The following TSC22D1 variants were observed in gnomAD, a reference collection of about 807,000 sequenced individuals.
TSC22D1 encodes TSC22 domain family member 1.
In TSC22D1, 9 loss-of-function variants were observed where a neutral mutation model predicts 74.2. That is an observed-to-expected ratio of 0.12 (90% CI 0.07 to 0.21). The LOEUF is 0.21. Ranked by LOEUF, TSC22D1 falls within the 10% of genes least tolerant of loss-of-function variation. TSC22D1 has a pLI of 1.00. For synonymous variants in TSC22D1, 586 were observed against 492.5 expected, an observed-to-expected ratio of 1.19 and a Z score of -2.51; for missense variants, 1,427 against 1,304.7, an observed-to-expected ratio of 1.09 and a Z score of -1.44.
intron 1 of TSC22D1, among the ~76,000 whole-genome samples, chr13:44,547,181 T>G (rs994266993): frequency 2.0e-5 from 3 of 152,182 alleles, no homozygotes; most frequent in Admixed American, 6.5e-5. Context: ...GAATATCCAC[T>G]GAGAAATTAA....
intron 1 of TSC22D1, among the ~76,000 whole-genome samples, chr13:44,546,267 C>A (rs1881819068): frequency 6.6e-6 from 1 of 152,060 alleles, no homozygotes; most frequent in African/African-American, 2.4e-5. Context: ...AAAATATTCC[C>A]AAGACATGTG....
intron 1 of TSC22D1, among the ~76,000 whole-genome samples, chr13:44,498,616 T>C (rs1459950744): frequency 6.6e-6 from 1 of 152,190 alleles, no homozygotes; most frequent in East Asian, 1.9e-4. Context: ...GACTTTATCA[T>C]ACTTCTGTCT....
At chr13:44,457,663 T>C (rs936030586) in intron 1 of TSC22D1, among the ~76,000 whole-genome samples, 1 of 104,552 alleles carries the variant, frequency 9.6e-6, no homozygotes, top group African/African-American at 3.5e-5. Context: ...AAAAAAGGAA[T>C]ACTTTTTCTC....
chr13:44,563,263 C>T (rs1376141613), intron 1 of TSC22D1, among the ~76,000 whole-genome samples: 3 of 152,148 alleles, frequency 2.0e-5, no homozygotes, highest in African/African-American at 7.2e-5. Flanking sequence ...TAACATATTG[C>T]TTTGAGAGAG....
chr13:44,443,722 T>C (rs374281465), intron 1 of TSC22D1, among the ~76,000 whole-genome samples: 4 of 152,170 alleles, frequency 2.6e-5, no homozygotes, highest in South Asian at 2.1e-4. Context: ...AAAATAACAA[T>C]GTACTGGAAT....
chr13:44,436,765 C>T (rs961427183), intron 1 of TSC22D1: 1 of 1,474,368 alleles, frequency 6.8e-7, no homozygotes, highest in Non-Finnish European at 8.9e-7. Flanking sequence ...AGAAACCCAG[C>T]TTCTAGGGCT....
chr13:44,442,323 A>G (rs1406579829), intron 1 of TSC22D1, among the ~76,000 whole-genome samples: 4 of 152,256 alleles, frequency 2.6e-5, no homozygotes, highest in Non-Finnish European at 5.9e-5. Context: ...ACTCATGAGG[A>G]GAAAAATTAA....
chr13:44,451,884 C>G (rs779673729), intron 1 of TSC22D1, among the ~76,000 whole-genome samples: 1 of 152,214 alleles, frequency 6.6e-6, no homozygotes, highest in Non-Finnish European at 1.5e-5. Flanking sequence ...AGGACATCCG[C>G]CATGGCTGAC....
At position 44,576,122 on chromosome 13, in the gene TSC22D1, G is replaced by A; in HGVS notation, c.-48C>T. 6.9e-7 allele frequency: 1 copy of A among 1,455,814 alleles called. No homozygotes were observed. The highest frequency in any genetic ancestry group is 9.0e-7 in the Non-Finnish European group (1 of 1,109,966). 90.2% of individuals were successfully genotyped at this position (1,455,814 alleles called of 1,614,324 possible). A position where few individuals can be genotyped will look rare whatever the true frequency, so the allele number is the denominator to read the frequency against. ...GAGGAGACGAGTGCAATTTCCTTCT[G>A]CACCGTAATCTTTGTATTGGAGACG... On this transcript the variant is annotated 5_prime_UTR_variant, in exon 1 of 3. Transcript: ENST00000458659.
intron 1 of TSC22D1, among the ~76,000 whole-genome samples, chr13:44,542,711 A>T (rs2138104342): frequency 6.6e-6 from 1 of 152,280 alleles, no homozygotes; most frequent in African/African-American, 2.4e-5. Flanking sequence ...GCTGGTAAAG[A>T]GAGCTTGCTT....
intron 1 of TSC22D1, among the ~76,000 whole-genome samples, chr13:44,514,764 G>A (rs538736429): frequency 1.1e-4 from 17 of 152,268 alleles, no homozygotes; most frequent in African/African-American, 2.9e-4. Context: ...GGAGGCTGAC[G>A]CAGGAGAATT....
chr13:44,508,945 G>A (rs1055010786), intron 1 of TSC22D1, among the ~76,000 whole-genome samples: 6 of 152,064 alleles, frequency 3.9e-5, no homozygotes, highest in African/African-American at 1.2e-4. Flanking sequence ...AAAAGCACAT[G>A]AGGCCCCATG....
intron 1 of TSC22D1, among the ~76,000 whole-genome samples, chr13:44,551,596 T>C (rs528529090): frequency 6.6e-6 from 1 of 152,272 alleles, no homozygotes; most frequent in South Asian, 2.1e-4. Context: ...AATTTTTGTG[T>C]TCTTAGTAGA....
chr13:44,457,637 C>CAAAAAAAAAAAAA (rs10692086), intron 1 of TSC22D1, among the ~76,000 whole-genome samples: 1 of 85,414 alleles, frequency 1.2e-5, no homozygotes, highest in Non-Finnish European at 2.2e-5. Context: ...AAGCAAATAG[C>CAAAAAAAAAAAAA]AAAAAAAAAA....
At chr13:44,471,482 T>C (rs1323908082) in intron 1 of TSC22D1, among the ~76,000 whole-genome samples, 1 of 152,208 alleles carries the variant, frequency 6.6e-6, no homozygotes, top group Non-Finnish European at 1.5e-5. Flanking sequence ...ACTTACTAGA[T>C]AGCATTGCTT....
At chr13:44,537,939 A>G in intron 1 of TSC22D1, 1 of 985,246 alleles carries the variant, frequency 1.0e-6, no homozygotes, top group Non-Finnish European at 1.2e-6. Context: ...AATTTAACAA[A>G]CTGGCAGCAT....
chr13:44,458,479 A>C (rs979903704), intron 1 of TSC22D1, among the ~76,000 whole-genome samples: 10 of 152,174 alleles, frequency 6.6e-5, no homozygotes, highest in African/African-American at 2.4e-4. Context: ...GCAGCTGGGG[A>C]GGCGCGGCGG....
intron 1 of TSC22D1, among the ~76,000 whole-genome samples, chr13:44,454,868 C>T (rs1369240578): frequency 6.6e-6 from 1 of 152,138 alleles, no homozygotes. Flanking sequence ...CAGATGCTGT[C>T]ATGTTTTAGT....
At chr13:44,457,701 TA>T (rs1019655168) in intron 1 of TSC22D1, among the ~76,000 whole-genome samples, 6 of 148,330 alleles carry the variant, frequency 4.0e-5, no homozygotes, top group African/African-American at 1.5e-4. Flanking sequence ...ACTATTTATA[TA>T]AAAAGGAAAT....
Sources: allele counts gnomAD v4.1 joint callset (sites outside exome capture counted in the v4.1 genomes callset), GRCh38; gene constraint gnomAD v4.1.1; transcripts MANE v1.5; gene names NCBI Gene and HGNC (gene_info 2026-07-23, HGNC 2026-07-21).